NRG3: variants seen among roughly 807,000 people sequenced by gnomAD.
NRG3 encodes the protein pro-neuregulin-3, membrane-bound isoform.
A neutral mutation model predicts 66.9 loss-of-function variants in NRG3; 31 were observed. That is an observed-to-expected ratio of 0.46 (90% CI 0.35 to 0.63). The LOEUF (loss-of-function observed/expected upper bound fraction) is 0.63, where lower values mean the gene tolerates loss of function less well. NRG3 is among the 20% of genes least tolerant of loss of function. The pLI, the probability that NRG3 is intolerant of heterozygous loss-of-function variation, is 0.00. For synonymous variants in NRG3, 393 were observed against 359.4 expected (o/e 1.09, Z -1.06); for missense variants, 910 against 878.9 (o/e 1.04, Z -0.45).
At chr10:82,648,219 A>C (rs1336966801) in intron 2 of NRG3, among the ~76,000 whole-genome samples, 1 of 152,332 alleles carries the variant, frequency 6.6e-6, no homozygotes, top group African/African-American at 2.4e-5. Flanking sequence ...AGCTTTCTAC[A>C]TATGGCTAGC....
In NRG3 at chr10:82,306,085, C is replaced by T. The variant is rs61698366; in HGVS notation, c.824-52654C>T. 3.8e-3 allele frequency among the ~76,000 whole-genome samples: 573 copies of T among 152,260 alleles called. 2 individuals are homozygous for T. The highest frequency in any genetic ancestry group is 0.013 in the African/African-American group (548 of 41,562). On this transcript the variant is annotated intron_variant, in intron 1 of 8. Transcript: ENST00000372141. Reference sequence around the variant, plus strand: ...GAACTATGCCAAATGTATTTTAAAGCATCAGTTGAGATGATTACCTAATAT... The same window carrying T: ...GAACTATGCCAAATGTATTTTAAAGTATCAGTTGAGATGATTACCTAATAT...
intron 1 of NRG3, among the ~76,000 whole-genome samples, chr10:82,144,109 A>G (rs1265517250): frequency 6.6e-6 from 1 of 152,100 alleles, no homozygotes; most frequent in Non-Finnish European, 1.5e-5. Flanking sequence ...TATTCAGTAA[A>G]TATTCACTGC....
chr10:82,036,137 G>T (rs940016163), intron 1 of NRG3, among the ~76,000 whole-genome samples: 1 of 152,062 alleles, frequency 6.6e-6, no homozygotes, highest in Non-Finnish European at 1.5e-5. Context: ...AGAGATCTGG[G>T]CCCACTCACA....
chr10:82,040,772 T>C (rs2062997413), intron 1 of NRG3, among the ~76,000 whole-genome samples: 1 of 152,024 alleles, frequency 6.6e-6, no homozygotes, highest in South Asian at 2.1e-4. Context: ...CCTGCTGCTG[T>C]CAGAAAAAGA....
intron 2 of NRG3, among the ~76,000 whole-genome samples, chr10:82,643,908 A>ACACACC (rs1565159293): frequency 0.047 from 867 of 18,486 alleles, 13 homozygotes; most frequent in Middle Eastern, 0.17. Context: ...ACACACCCAC[A>ACACACC]CACACACACA....
At chr10:82,247,603 C>T (rs913141627) in intron 1 of NRG3, among the ~76,000 whole-genome samples, 6 of 152,048 alleles carry the variant, frequency 3.9e-5, no homozygotes, top group African/African-American at 1.4e-4. Context: ...CACAAACTAC[C>T]AAAATCTAAT....
chr10:81,882,593 G>A (rs1842279108), intron 1 of NRG3, among the ~76,000 whole-genome samples: 2 of 152,038 alleles, frequency 1.3e-5, no homozygotes, highest in South Asian at 4.2e-4. Flanking sequence ...TGACTTCTAT[G>A]CCAATCCCGA....
chr10:82,093,016 G>T (rs1011716861), intron 1 of NRG3, among the ~76,000 whole-genome samples: 14 of 152,064 alleles, frequency 9.2e-5, no homozygotes, highest in African/African-American at 3.4e-4. Flanking sequence ...ACTGTGGCAG[G>T]GTCACCTGTT....
intron 2 of NRG3, among the ~76,000 whole-genome samples, chr10:82,455,603 A>C (rs890978187): frequency 2.3e-4 from 35 of 150,902 alleles, no homozygotes; most frequent in African/African-American, 7.3e-4. Flanking sequence ...GGGCACTTAG[A>C]TTACACTAAA....
intron 1 of NRG3, among the ~76,000 whole-genome samples, chr10:82,245,978 G>GTTTTTTTTTTTTTTTTT (rs372596396): frequency 9.7e-6 from 1 of 103,300 alleles, no homozygotes; most frequent in African/African-American, 3.8e-5. Context: ...CAGTCTTCTG[G>GTTTTTTTTTTTTTTTTT]TTTTTTTTTT....
In NRG3 at chr10:82,796,829, C is replaced by G. The variant is rs139674534; in HGVS notation, c.1027+58179C>G. Among the ~76,000 whole-genome samples the G allele has an allele frequency of 5.8e-3, 878 of 152,056 alleles. 3 individuals are homozygous for G. The highest frequency in any genetic ancestry group is 0.014 in the Middle Eastern group (4 of 294). The stretch of plus-strand genomic sequence containing the variant: ...GAGAGGAATAGGGGTAAAAATAAAT[C>G]TTGGTCAACTCTTATACAAACTTAT... On this transcript the variant is annotated intron_variant, in intron 3 of 8. Transcript: ENST00000372141.
intron 1 of NRG3, among the ~76,000 whole-genome samples, chr10:82,032,732 G>C (rs538950253): frequency 2.0e-4 from 31 of 152,044 alleles, no homozygotes; most frequent in African/African-American, 7.2e-4. Flanking sequence ...CGTTAACTTT[G>C]ATGTCTCTTT....
intron 1 of NRG3, 81 bp from the exon 2 acceptor site, chr10:82,358,658 A>C: frequency 8.1e-5 from 126 of 1,554,054 alleles, no homozygotes; most frequent in Middle Eastern, 1.7e-4. Context: ...GCCTCCATAC[A>C]GAGATCCAGA....
At chr10:82,569,043 T>C (rs1378481383) in intron 2 of NRG3, among the ~76,000 whole-genome samples, 1 of 151,778 alleles carries the variant, frequency 6.6e-6, no homozygotes, top group East Asian at 1.9e-4. Flanking sequence ...ACTTCTGTAG[T>C]AATATATTCC....
At chr10:82,363,678 C>G (rs952695143) in intron 2 of NRG3, among the ~76,000 whole-genome samples, 17 of 151,732 alleles carry the variant, frequency 1.1e-4, no homozygotes, top group African/African-American at 3.9e-4. Flanking sequence ...AGGATGGTCT[C>G]AATCTCCTGA....
In NRG3 at chr10:81,930,482, T is replaced by C. The variant is rs557883255; in HGVS notation, c.823+54319T>C. On this transcript the variant is annotated intron_variant, in intron 1 of 8. Transcript: ENST00000372141. ...ACAGAGCTTTTGTGCTCTCTTCTTG[T>C]AGAATAAGGGCTTGTCACTATTACC... is the stretch of plus-strand genomic sequence containing the variant. 1.3e-3 allele frequency among the ~76,000 whole-genome samples: 199 copies of C among 150,358 alleles called. 1 individual carries two copies. The highest frequency in any genetic ancestry group is 1.8e-3 in the Non-Finnish European group (125 of 67,706).
intron 2 of NRG3, among the ~76,000 whole-genome samples, chr10:82,540,967 T>A (rs370315140): frequency 5.3e-5 from 8 of 152,118 alleles, no homozygotes; most frequent in African/African-American, 1.9e-4. Flanking sequence ...ATGACTGATG[T>A]CCTTGTAAGA....
intron 2 of NRG3, among the ~76,000 whole-genome samples, chr10:82,576,092 A>G (rs1449907738): frequency 1.3e-5 from 2 of 151,730 alleles, no homozygotes; most frequent in African/African-American, 4.8e-5. Context: ...TAATATTGTT[A>G]GTCTGGGGAA....
chr10:82,231,862 AAC>A (rs1326436468), intron 1 of NRG3, among the ~76,000 whole-genome samples: 1 of 152,162 alleles, frequency 6.6e-6, no homozygotes, highest in Non-Finnish European at 1.5e-5. Context: ...TTTTTAGTTA[AAC>A]AGTTTTCTCT....
Sources: allele counts gnomAD v4.1 joint callset (sites outside exome capture counted in the v4.1 genomes callset), GRCh38; gene constraint gnomAD v4.1.1; transcripts MANE v1.5; gene names NCBI Gene and HGNC (gene_info 2026-07-23, HGNC 2026-07-21).